CCL3: variants seen among roughly 807,000 people sequenced by gnomAD.
The protein encoded by CCL3 is C-C motif chemokine 3.
CCL3 carries 6 observed loss-of-function variants against 8.1 expected under a neutral mutation model. That is an observed-to-expected ratio of 0.74 (90% confidence interval 0.41 to 1.46). The LOEUF is 1.46. Ranked by LOEUF, CCL3 falls within the 40% of genes most tolerant of loss-of-function variation. The probability of loss-of-function intolerance (pLI) is 0.02; values close to 1 mark genes in which losing one functional copy is unlikely to be tolerated. For missense variants in CCL3, 109 were observed against 117.7 expected (o/e 0.93, Z 0.34); for synonymous variants, 45 against 45.1 (o/e 1.00, Z 0.01).
intron 2 of CCL3, 117 bp from the exon 3 acceptor site, chr17:36,088,879 C>T: frequency 7.2e-7 from 1 of 1,385,218 alleles, no homozygotes; most frequent in South Asian, 1.2e-5. Flanking sequence ...GCTCCTCTTT[C>T]AGGGGCCCCC....
chr17:36,090,112 G>T lies in CCL3; in HGVS notation c.-54C>A, dbSNP rs1029985423. 1 of 1,524,682 alleles carries T rather than the reference G, an allele frequency of 6.6e-7. No homozygotes were observed. Among genetic ancestry groups the T allele is most frequent in the Admixed American group, 1.7e-5 (1 of 57,718 alleles). The allele number at this position is 1,524,682 out of a possible 1,614,324, so 94.4% of individuals were successfully genotyped here. On this transcript the variant is annotated 5_prime_UTR_variant, in exon 1 of 3. Transcript: ENST00000613922. ...TCGAGTGTCAGCAGAGCCAAGAAAG[G>T]ACTGACCACTGTCTGCTGCCCGTGT...
rs541339401 is a variant in CCL3 at position 36,089,396 on chromosome 17, G to T, written c.74-99C>A. On this transcript the variant is annotated intron_variant, in intron 1 of 2. Coordinates refer to ENST00000613922, the MANE Select transcript of CCL3 (RefSeq NM_002983.3). ...CAGTTGAGGAAGGCAGGCTTGCTCA[G>T]ACCAAGTGACTGGAAGGCATTTGGG... 12 of 1,457,056 alleles carry T rather than the reference G, an allele frequency of 8.2e-6. No homozygotes were observed. The Admixed American group carries it at 1.4e-4, about 17-fold the overall frequency. 90.3% of individuals were successfully genotyped at this position (1,457,056 alleles called of 1,614,324 possible).
At chr17:36,089,078 G>C in intron 2 of CCL3, 105 bp downstream of exon 2, 1 of 1,435,352 alleles carries the variant, frequency 7.0e-7, no homozygotes. Flanking sequence ...ATCCCCGATA[G>C]GCTCCTGAAG....
rs1414284137 is a variant in CCL3, at chr17:36,088,766, T to C, written c.189-4A>G. 1 of 1,613,878 alleles carries C rather than the reference T, an allele frequency of 6.2e-7. No individual in the cohort carries two copies. Among genetic ancestry groups the C allele is most frequent in the Admixed American group, 1.7e-5 (1 of 60,014 alleles). On this transcript the variant is annotated splice_polypyrimidine_tract_variant and splice_region_variant and intron_variant, in intron 2 of 2. Transcript: ENST00000613922. ...CCGGCTTCGCTTGGTTAGGAAGCTG[T>C]GGAGAAGGGAGGAAGAGTTAAGCAC... is the stretch of plus-strand genomic sequence containing the variant.
In CCL3 at chr17:36,088,627, C is replaced by T. The variant is rs1268751671; in HGVS notation, c.*45G>A. The T allele has an allele frequency of 6.2e-7, 1 of 1,608,382 alleles. No homozygotes were observed. The highest frequency in any genetic ancestry group is 8.5e-7 in the Non-Finnish European group (1 of 1,176,236). ...CAAGGCTCAGGCTCCTGCTCCTCCC[C>T]ACTGGGCCCACCGAGGTCGCTGGGC... is the stretch of plus-strand genomic sequence containing the variant. On this transcript the variant is annotated 3_prime_UTR_variant, in exon 3 of 3. Coordinates refer to ENST00000613922, the MANE Select transcript of CCL3 (RefSeq NM_002983.3).
intron 2 of CCL3, 86 bp from the exon 3 acceptor site, chr17:36,088,848 G>C: frequency 1.9e-6 from 3 of 1,552,328 alleles, no homozygotes; most frequent in Non-Finnish European, 2.7e-6. Context: ...TCTGCTCTCT[G>C]TCCTGGGCAG....
chr17:36,089,454 T>C, intron 1 of CCL3, 157 bp from the exon 2 acceptor site: 6 of 770,170 alleles, frequency 7.8e-6, no homozygotes, highest in African/African-American at 1.7e-5. Context: ...TTTGTTTCTG[T>C]CTGTATCCTT....
intron 1 of CCL3, 149 bp downstream of exon 1, chr17:36,089,837 A>C (rs570084730): frequency 1.2e-6 from 1 of 813,512 alleles, no homozygotes; most frequent in Non-Finnish European, 2.1e-6. Context: ...AGAGATAAAA[A>C]TAAAAGTCTT....
At chr17:36,089,536 C>T in intron 1 of CCL3, 5 of 618,776 alleles carry the variant, frequency 8.1e-6, no homozygotes, top group Non-Finnish European at 1.4e-5. Context: ...GGACTGTTCT[C>T]TTATCTCAGT....
At chr17:36,088,796 G>GA (rs1300252718) in intron 2 of CCL3, 34 bp from the exon 3 acceptor site, 4 of 1,612,188 alleles carry the variant, frequency 2.5e-6, no homozygotes. Context: ...AAGCACTGGG[G>GA]AATCCAGCAG....
chr17:36,088,416 A>C lies in CCL3; in HGVS notation c.*256T>G. 5 of 501,596 alleles carry C rather than the reference A, an allele frequency of 1.0e-5. No homozygotes were observed. The highest frequency in any genetic ancestry group is 1.8e-5 in the Non-Finnish European group (5 of 279,852). 31.1% of individuals were successfully genotyped at this position (501,596 alleles called of 1,614,324 possible). ...TTGTCACCAGACGCGGTGTGAGGGA[A>C]GGGGGAGGGGACAGGGGAACTCTCA... On this transcript the variant is annotated 3_prime_UTR_variant, in exon 3 of 3. Transcript: ENST00000613922.
rs1468375708 is a variant in CCL3, at chr17:36,089,161, G to T, written c.188+22C>A. 3 of 1,613,592 alleles carry T rather than the reference G, an allele frequency of 1.9e-6. No homozygotes were observed. In the East Asian group the frequency reaches 6.7e-5, roughly 36 times the overall value. ...TGACCCTCCCTACCTCCATAGAGGT[G>T]AGCAGGAAGACTGGCACTTACATGA... is the stretch of plus-strand genomic sequence containing the variant. On this transcript the variant is annotated intron_variant, in intron 2 of 2. Transcript: ENST00000613922.
At chr17:36,089,399 C>T (rs1409951468) in intron 1 of CCL3, 102 bp from the exon 2 acceptor site, 2 of 1,442,166 alleles carry the variant, frequency 1.4e-6, no homozygotes, top group East Asian at 4.5e-5. Flanking sequence ...TTGCTCAGAC[C>T]AAGTGACTGG....
At position 36,088,650 on chromosome 17, in the gene CCL3, G is replaced by A; in HGVS notation, c.*22C>T. 2 of 1,612,656 alleles carry A rather than the reference G, an allele frequency of 1.2e-6. No individual in the cohort carries two copies. Among genetic ancestry groups the A allele is most frequent in the Non-Finnish European group, 1.7e-6 (2 of 1,179,736 alleles). ...CCCACTGGGCCCACCGAGGTCGCTG[G>A]GCCTCGAAGCTTCTGGACCCCTCAG... is the stretch of plus-strand genomic sequence containing the variant. On this transcript the variant is annotated 3_prime_UTR_variant, in exon 3 of 3. Transcript: ENST00000613922.
intron 1 of CCL3, chr17:36,089,596 A>C: frequency 1.6e-6 from 1 of 607,536 alleles, no homozygotes. Context: ...CCAACCCAAG[A>C]GAAGCCTTGG....
chr17:36,088,748 C>T lies in CCL3; in HGVS notation c.203G>A (p.Arg68Gln), dbSNP rs773703371. The T allele has an allele frequency of 8.7e-6, 14 of 1,613,772 alleles. No homozygotes were observed. The highest frequency in any genetic ancestry group is 5.0e-5 in the Admixed American group (3 of 59,996). Reference protein sequence around the residue: ...SKPGVIFLTKRSRQVCADPSE... With the variant: ...SKPGVIFLTKQSRQVCADPSE... ...GGGGTCAGCACAGACCTGCCGGCTTCGCTTGGTTAGGAAGCTGTGGAGAAG... is the reference window on the plus strand; with the variant it reads ...GGGGTCAGCACAGACCTGCCGGCTTTGCTTGGTTAGGAAGCTGTGGAGAAG... The change falls in exon 3 of 3, where the codon CGA (arginine) becomes CAA (glutamine). Residue 68 changes from arginine to glutamine, a missense_variant. Arg to Gln is a conservative substitution (Grantham distance 43). Transcript: ENST00000613922.
At chr17:36,088,864 G>GGAGGAAGAGTTAA in intron 2 of CCL3, 102 bp from the exon 3 acceptor site, 1 of 1,495,266 alleles carries the variant, frequency 6.7e-7, no homozygotes, top group East Asian at 2.3e-5. Context: ...GGCAGCTCAG[G>GGAGGAAGAGTTAA]GCTTGCTCCT....
At position 36,088,490 on chromosome 17, in the gene CCL3, A is replaced by G. The variant is rs1350102362; in HGVS notation, c.*182T>C. 1 of 655,296 alleles carries G rather than the reference A, an allele frequency of 1.5e-6. No homozygotes were observed. The highest frequency in any genetic ancestry group is 2.7e-6 in the Non-Finnish European group (1 of 371,566). 40.6% of individuals were successfully genotyped at this position (655,296 alleles called of 1,614,324 possible). A position where few individuals can be genotyped will look rare whatever the true frequency, so the allele number is the denominator to read the frequency against. ...GTGAAATCGAAAATAAATTACAAAA[A>G]CTAAATAGTATAAATAAATTAAAAT... On this transcript the variant is annotated 3_prime_UTR_variant, in exon 3 of 3. Coordinates refer to ENST00000613922, the MANE Select transcript of CCL3 (RefSeq NM_002983.3).
In CCL3 at chr17:36,088,737, C is replaced by G. The variant is rs779590579; in HGVS notation, c.214G>C (p.Val72Leu). ...VIFLTKRSRQ[V>L]CADPSEEWVQ... Reference sequence around the variant, plus strand: ...CACTCCTCACTGGGGTCAGCACAGACCTGCCGGCTTCGCTTGGTTAGGAAG... The same window carrying G: ...CACTCCTCACTGGGGTCAGCACAGAGCTGCCGGCTTCGCTTGGTTAGGAAG... Residue 72 changes from valine (V) to leucine (L), a missense_variant, in exon 3 of 3, where the codon GTC (valine) becomes CTC (leucine). By Grantham distance (32) the Val-to-Leu change is conservative (BLOSUM62 1). Coordinates refer to ENST00000613922, the MANE Select transcript of CCL3 (RefSeq NM_002983.3). 3 of 1,613,880 alleles carry G rather than the reference C, an allele frequency of 1.9e-6. No homozygotes were observed. The highest frequency in any genetic ancestry group is 1.7e-5 in the Admixed American group (1 of 60,022).
Sources: allele counts gnomAD v4.1 joint callset, GRCh38; gene constraint gnomAD v4.1.1; transcripts MANE v1.5; gene names NCBI Gene and HGNC (gene_info 2026-07-23, HGNC 2026-07-21).